Variants in CACNA2D2 observed in about 807,000 individuals in gnomAD.
CACNA2D2 encodes voltage-dependent calcium channel subunit alpha-2/delta-2.
CACNA2D2 carries 48 observed loss-of-function variants against 166.4 expected under a neutral mutation model. The observed-to-expected ratio is 0.29, with a 90% CI of 0.23 to 0.37. The LOEUF is 0.37. CACNA2D2 is among the 10% of genes least tolerant of loss of function. The pLI, the probability that CACNA2D2 is intolerant of heterozygous loss-of-function variation, is 1.00. For synonymous variants in CACNA2D2, 561 were observed against 573.7 expected (o/e 0.98, Z 0.32); for missense variants, 1,122 against 1,433.0 (o/e 0.78, Z 3.50).
chr3:50,400,875 A>C (rs1359315064), intron 3 of CACNA2D2, among the ~76,000 whole-genome samples: 1 of 152,190 alleles, frequency 6.6e-6, no homozygotes, highest in African/African-American at 2.4e-5. Flanking sequence ...AGGTCTCTCT[A>C]TGTTGCCCAG....
At chr3:50,488,111 A>G (rs903553575) in intron 1 of CACNA2D2, among the ~76,000 whole-genome samples, 4 of 152,202 alleles carry the variant, frequency 2.6e-5, no homozygotes, top group Admixed American at 2.0e-4. Flanking sequence ...GTGGCACCAC[A>G]GAGCAGGAGG....
chr3:50,479,804 T>G (rs781416579), intron 1 of CACNA2D2, among the ~76,000 whole-genome samples: 3 of 152,188 alleles, frequency 2.0e-5, no homozygotes, highest in Non-Finnish European at 4.4e-5. Flanking sequence ...GCTCAGCCAA[T>G]GCCTCCCTGA....
At chr3:50,382,829 C>T (rs956502930) in intron 6 of CACNA2D2, among the ~76,000 whole-genome samples, 1 of 152,120 alleles carries the variant, frequency 6.6e-6, no homozygotes, top group East Asian at 1.9e-4. Flanking sequence ...GGTCAAGGGC[C>T]AAGAGGAGAC....
In CACNA2D2 at chr3:50,364,022, T is replaced by C. The variant is rs984836580; in HGVS notation, c.*644A>G. On this transcript the variant is annotated 3_prime_UTR_variant, in exon 38 of 38. Coordinates refer to ENST00000424201, the MANE Select transcript of CACNA2D2 (RefSeq NM_006030.4). ...TGTGTGTGTTTGTGCGTGTGCCCAG[T>C]GGGGTATGTCGAATGTGAGTCCAGT... The C allele has an allele frequency of 2.0e-5, 3 of 152,548 alleles. No homozygotes were observed. Among genetic ancestry groups the C allele is most frequent in the Non-Finnish European group, 2.9e-5 (2 of 68,474 alleles). The allele number at this position is 152,548 out of a possible 1,614,324, so 9.4% of individuals were successfully genotyped here.
chr3:50,399,898 C>T (rs531190326), intron 3 of CACNA2D2, among the ~76,000 whole-genome samples: 36 of 152,284 alleles, frequency 2.4e-4, no homozygotes, highest in African/African-American at 8.4e-4. Context: ...GGCCTCCCAG[C>T]TGTCCCTCCG....
chr3:50,422,087 C>T (rs1483686094), intron 3 of CACNA2D2, among the ~76,000 whole-genome samples: 1 of 152,112 alleles, frequency 6.6e-6, no homozygotes, highest in African/African-American at 2.4e-5. Flanking sequence ...TCTTTAGCAC[C>T]AGGAGCTGTC....
intron 3 of CACNA2D2, among the ~76,000 whole-genome samples, chr3:50,399,107 TG>T (rs1476277556): frequency 6.6e-6 from 1 of 152,104 alleles, no homozygotes; most frequent in East Asian, 1.9e-4. Flanking sequence ...CCTTGGGTGA[TG>T]GGGGGCTGGG....
chr3:50,491,415 T>C, intron 1 of CACNA2D2, among the ~76,000 whole-genome samples: 1 of 152,180 alleles, frequency 6.6e-6, no homozygotes, highest in Non-Finnish European at 1.5e-5. Flanking sequence ...CAGACCCTAC[T>C]GTACAAGCCC....
chr3:50,370,643 C>T (rs1430746585), intron 22 of CACNA2D2, among the ~76,000 whole-genome samples: 1 of 152,076 alleles, frequency 6.6e-6, no homozygotes, highest in Non-Finnish European at 1.5e-5. Flanking sequence ...CCTCTGTCGG[C>T]AGTGAGTCCC....
chr3:50,397,211 G>A (rs750955174), intron 3 of CACNA2D2, among the ~76,000 whole-genome samples: 8 of 152,244 alleles, frequency 5.3e-5, no homozygotes, highest in East Asian at 1.9e-4. Context: ...CCACTGACTC[G>A]TGAATAACGG....
intron 3 of CACNA2D2, among the ~76,000 whole-genome samples, chr3:50,395,429 C>T (rs1706102717): frequency 6.6e-6 from 1 of 152,208 alleles, no homozygotes; most frequent in African/African-American, 2.4e-5. Flanking sequence ...GTTGGGCCCA[C>T]CATGCTCAGT....
chr3:50,447,943 T>C (rs1332744632), intron 2 of CACNA2D2, among the ~76,000 whole-genome samples: 1 of 152,132 alleles, frequency 6.6e-6, no homozygotes, highest in Admixed American at 6.5e-5. Context: ...CCCTCCTTTT[T>C]AGGCCCCAGA....
chr3:50,494,666 T>C (rs1698654363), intron 1 of CACNA2D2, among the ~76,000 whole-genome samples: 1 of 152,110 alleles, frequency 6.6e-6, no homozygotes, highest in Non-Finnish European at 1.5e-5. Context: ...CCATAGATTT[T>C]ATTTATTTAT....
At chr3:50,394,222 GC>G in intron 3 of CACNA2D2, 54 bp from the exon 4 acceptor site, 1 of 1,467,930 alleles carries the variant, frequency 6.8e-7, no homozygotes, top group Non-Finnish European at 9.6e-7. Flanking sequence ...CCTGCCCTAT[GC>G]CCACCCCAAA....
chr3:50,448,005 C>T (rs1028014720), intron 2 of CACNA2D2, among the ~76,000 whole-genome samples: 2 of 152,150 alleles, frequency 1.3e-5, no homozygotes, highest in South Asian at 4.1e-4. Flanking sequence ...CTGGACTACC[C>T]GTCCCCTCCA....
intron 1 of CACNA2D2, 105 bp downstream of exon 1, chr3:50,503,113 G>T (rs922014725): frequency 6.5e-6 from 4 of 612,032 alleles, no homozygotes; most frequent in Non-Finnish European, 8.9e-6. Context: ...GCCGGACCCA[G>T]CGCCTCTGCC....
At chr3:50,446,674 TCAGA>T (rs753322325) in intron 2 of CACNA2D2, among the ~76,000 whole-genome samples, 4 of 152,214 alleles carry the variant, frequency 2.6e-5, no homozygotes, top group Non-Finnish European at 4.4e-5. Flanking sequence ...GAGCTTTTTC[TCAGA>T]CAGTTGGGTG....
intron 23 of CACNA2D2, among the ~76,000 whole-genome samples, chr3:50,368,593 C>A (rs1448163225): frequency 6.6e-6 from 1 of 152,228 alleles, no homozygotes; most frequent in Non-Finnish European, 1.5e-5. Flanking sequence ...CTAGAGCATT[C>A]CCATGGGCAC....
Position 50,366,036 on chromosome 3 carries a change from C to T in CACNA2D2, c.2837G>A (p.Gly946Asp), listed in dbSNP as rs1704257167. Residue 946 changes from glycine to aspartate, a missense_variant, in exon 32 of 38, where the codon GGT becomes GAT. Gly to Asp is a moderately conservative substitution (Grantham distance 94). Transcript: ENST00000424201. The surrounding 1 kb of genome is among the most constrained non-coding windows in gnomAD (Gnocchi z 5.9). ...ACAPQPPGNL[G>D]AAPRGVFVPT... ...CACAAAGACACCCCGGGGTGCAGCA[C>T]CCAGGTTGCCAGGGGGCTGAGGGGC... is the stretch of plus-strand genomic sequence containing the variant. 1 of 1,613,122 alleles carries T rather than the reference C, an allele frequency of 6.2e-7. No homozygotes were observed. Among genetic ancestry groups the T allele is most frequent in the Non-Finnish European group, 8.5e-7 (1 of 1,179,790 alleles).
Sources: gnomAD v4.1 joint callset for allele counts (sites outside exome capture counted in the v4.1 genomes callset) on GRCh38, gnomAD v4.1.1 for gene constraint, Gnocchi (gnomAD v3.1) non-coding constraint, MANE v1.5 for transcripts, NCBI Gene and HGNC (gene_info 2026-07-23, HGNC 2026-07-21) for gene names.